ARHGEF10: variants seen among roughly 807,000 people sequenced by gnomAD.
ARHGEF10 encodes Rho guanine nucleotide exchange factor (GEF) 10.
A neutral mutation model predicts 147.4 loss-of-function variants in ARHGEF10; 140 were observed. The observed-to-expected ratio is 0.95, with a 90% CI of 0.83 to 1.09. The LOEUF is 1.09. ARHGEF10 is among the 50% of genes least tolerant of loss of function. The probability of loss-of-function intolerance (pLI) is 0.00; values close to 1 mark genes in which losing one functional copy is unlikely to be tolerated. For synonymous variants in ARHGEF10, 902 were observed against 695.8 expected (o/e 1.30, Z -4.67); for missense variants, 2,222 against 1,752.7 (o/e 1.27, Z -4.78).
intron 8 of ARHGEF10, among the ~76,000 whole-genome samples, chr8:1,879,751 C>G (rs1808021360): frequency 6.6e-6 from 1 of 152,044 alleles, no homozygotes; most frequent in African/African-American, 2.4e-5. Flanking sequence ...CAGGGTTTCA[C>G]CACGTTGCCC....
intron 25 of ARHGEF10, among the ~76,000 whole-genome samples, chr8:1,931,383 A>G (rs1422423516): frequency 6.6e-6 from 1 of 152,170 alleles, no homozygotes; most frequent in Non-Finnish European, 1.5e-5. Context: ...TGGGTTTACT[A>G]GCGAGCATCT....
chr8:1,901,724 G>T (rs1487094879), intron 15 of ARHGEF10, among the ~76,000 whole-genome samples: 1 of 152,172 alleles, frequency 6.6e-6, no homozygotes, highest in African/African-American at 2.4e-5. Flanking sequence ...CTAGTCCCCG[G>T]TGCCACCACC....
chr8:1,859,822 A>T, intron 3 of ARHGEF10, 75 bp from the exon 4 acceptor site: 1 of 1,571,360 alleles, frequency 6.4e-7, no homozygotes, highest in Non-Finnish European at 8.7e-7. Context: ...CCTGCTTCCC[A>T]CTTGCGCTCC....
At chr8:1,865,645 C>T (rs1045421618) in intron 5 of ARHGEF10, among the ~76,000 whole-genome samples, 7 of 152,250 alleles carry the variant, frequency 4.6e-5, no homozygotes, top group African/African-American at 1.4e-4. Flanking sequence ...CAAGGTCCTG[C>T]AGGTACCTTG....
At position 1,841,919 on chromosome 8, in the gene ARHGEF10, GGCCGCGGCGGGAAC is replaced by G. The variant is rs1445961637; in HGVS notation, c.-47-1433_-47-1420del. On this transcript the variant is annotated intron_variant, in intron 1 of 28. Coordinates refer to ENST00000349830, the MANE Select transcript of ARHGEF10 (RefSeq NM_014629.4). The stretch of plus-strand genomic sequence containing the variant: ...GAACTGGGGCCGCGGCGGGAACTGG[GGCCGCGGCGGGAAC>G]TGGGGCCGCGACCGGAACTGGGGCC... Among the ~76,000 whole-genome samples the G allele has an allele frequency of 3.1e-3, 307 of 100,168 alleles. 9 individuals are homozygous for G. Among genetic ancestry groups the G allele is most frequent in the Admixed American group, 3.6e-3 (36 of 9,890 alleles). The allele number at this position is 100,168 out of a possible 152,430, so 65.7% of individuals were successfully genotyped here.
chr8:1,877,354 A>G (rs932969338), intron 8 of ARHGEF10, among the ~76,000 whole-genome samples: 4 of 152,002 alleles, frequency 2.6e-5, no homozygotes, highest in African/African-American at 7.3e-5. Flanking sequence ...CAGCCTCCCA[A>G]GTAGCTGGGA....
chr8:1,849,975 C>A (rs1386630363), intron 2 of ARHGEF10, among the ~76,000 whole-genome samples: 1 of 109,354 alleles, frequency 9.1e-6, no homozygotes, highest in South Asian at 3.4e-4. Context: ...GGGCGTGGGC[C>A]GGCTGCATGG....
rs116205951 is a variant in ARHGEF10 at position 1,881,207 on chromosome 8, C to A, written c.960+1043C>A. On this transcript the variant is annotated intron_variant, in intron 9 of 28. Coordinates refer to ENST00000349830, the MANE Select transcript of ARHGEF10 (RefSeq NM_014629.4). ...GCACGCTCGCTTCCCCTGGTGAGAACACCCCTGTGTCAGCCCTGAGATCCG... is the reference window on the plus strand; with the variant it reads ...GCACGCTCGCTTCCCCTGGTGAGAAAACCCCTGTGTCAGCCCTGAGATCCG... Among the ~76,000 whole-genome samples the A allele has an allele frequency of 8.7e-3, 1,326 of 152,262 alleles. 16 individuals are homozygous for A. The highest frequency in any genetic ancestry group is 0.03 in the African/African-American group (1,242 of 41,542).
chr8:1,902,678 C>A (rs1259848876), intron 15 of ARHGEF10, among the ~76,000 whole-genome samples: 1 of 152,186 alleles, frequency 6.6e-6, no homozygotes, highest in Non-Finnish European at 1.5e-5. Context: ...CACTGCCCAG[C>A]GGCCACAGTC....
At position 1,869,270 on chromosome 8, in the gene ARHGEF10, T is replaced by C. The variant is rs767241947; in HGVS notation, c.679+20T>C. 2 of 1,609,734 alleles carry C rather than the reference T, an allele frequency of 1.2e-6. No individual in the cohort carries two copies. Among genetic ancestry groups the C allele is most frequent in the East Asian group, 4.5e-5 (2 of 44,834 alleles). On this transcript the variant is annotated intron_variant, in intron 7 of 28. Coordinates refer to ENST00000349830, the MANE Select transcript of ARHGEF10 (RefSeq NM_014629.4). ...AACCAGGTTTGATTTTGTCTGGAAT[T>C]GATTTGAGGAGATTCAGCTCAGCAG...
In ARHGEF10 at chr8:1,823,941, C is replaced by T. The variant is rs926945401; in HGVS notation, c.-220C>T. On this transcript the variant is annotated 5_prime_UTR_variant, in exon 1 of 29. Coordinates refer to ENST00000349830, the MANE Select transcript of ARHGEF10 (RefSeq NM_014629.4). ...TCCGGGCGGGAGGGGCTGGGCGCATCCCTGTAGCCGGCGGGCGCGCGATCC... is the reference window on the plus strand; with the variant it reads ...TCCGGGCGGGAGGGGCTGGGCGCATTCCTGTAGCCGGCGGGCGCGCGATCC... The T allele has an allele frequency of 2.0e-5, 3 of 150,850 alleles. No individual in the cohort carries two copies. Among genetic ancestry groups the T allele is most frequent in the African/African-American group, 7.3e-5 (3 of 40,850 alleles). 9.3% of individuals were successfully genotyped at this position (150,850 alleles called of 1,614,324 possible).
intron 26 of ARHGEF10, among the ~76,000 whole-genome samples, chr8:1,934,635 C>T (rs1468912556): frequency 2.6e-5 from 4 of 152,146 alleles, no homozygotes; most frequent in Admixed American, 6.5e-5. Flanking sequence ...AGTGGGCAGC[C>T]GTTTGGAAAA....
chr8:1,935,281 C>T (rs1014704255), intron 26 of ARHGEF10, among the ~76,000 whole-genome samples: 1 of 152,092 alleles, frequency 6.6e-6, no homozygotes, highest in Non-Finnish European at 1.5e-5. Context: ...CCTGCATGGG[C>T]CTGTCATCAT....
At chr8:1,852,728 T>C (rs1486052152) in intron 2 of ARHGEF10, among the ~76,000 whole-genome samples, 1 of 152,268 alleles carries the variant, frequency 6.6e-6, no homozygotes. Context: ...TTTAGAAATG[T>C]GTGCCTTAAT....
intron 1 of ARHGEF10, among the ~76,000 whole-genome samples, chr8:1,840,055 G>A (rs1473446069): frequency 7.3e-6 from 1 of 136,212 alleles, no homozygotes; most frequent in African/African-American, 3.0e-5. Flanking sequence ...TCCGATATGG[G>A]GACTGTCTGG....
intron 18 of ARHGEF10, among the ~76,000 whole-genome samples, chr8:1,916,747 T>C (rs1811789889): frequency 6.6e-6 from 1 of 152,234 alleles, no homozygotes; most frequent in South Asian, 2.1e-4. Flanking sequence ...GACTTATATA[T>C]GATGCTGTTT....
intron 26 of ARHGEF10, among the ~76,000 whole-genome samples, chr8:1,944,264 C>T (rs150065855): frequency 0.016 from 2,445 of 151,194 alleles, 40 homozygotes; most frequent in Admixed American, 0.024. Context: ...TCGCCTCCCT[C>T]GGGACCCCAG....
chr8:1,940,910 A>C (rs535663367), intron 26 of ARHGEF10, among the ~76,000 whole-genome samples: 31 of 152,340 alleles, frequency 2.0e-4, no homozygotes, highest in Non-Finnish European at 3.8e-4. Flanking sequence ...AAAGTACTTG[A>C]CATGATTTAT....
intron 15 of ARHGEF10, among the ~76,000 whole-genome samples, chr8:1,899,743 T>A (rs896022096): frequency 2.0e-5 from 3 of 152,202 alleles, no homozygotes; most frequent in African/African-American, 7.2e-5. Flanking sequence ...GTTTTATTTC[T>A]TTAGCTGACA....
Sources: gnomAD v4.1 joint callset for allele counts (sites outside exome capture counted in the v4.1 genomes callset) on GRCh38, gnomAD v4.1.1 for gene constraint, MANE v1.5 for transcripts, NCBI Gene and HGNC (gene_info 2026-07-23, HGNC 2026-07-21) for gene names.